Variants in CAST observed in about 807,000 individuals in gnomAD.
CAST encodes the protein calpastatin.
Under a neutral mutation model 119.6 loss-of-function variants are expected in CAST, and 76 were observed. That is an observed-to-expected ratio of 0.64 (90% confidence interval 0.53 to 0.77). The LOEUF is 0.77. Among genes scored for constraint, CAST ranks in the 30% least tolerant of loss-of-function variants. The pLI is 0.00. For synonymous variants in CAST, 319 were observed against 331.6 expected (o/e 0.96, Z 0.41); for missense variants, 953 against 946.5 (o/e 1.01, Z -0.09).
chr5:96,119,125 A>T, the CAST span, among the ~76,000 whole-genome samples: 1 of 152,288 alleles, frequency 6.6e-6, no homozygotes, highest in East Asian at 1.9e-4. Flanking sequence ...GGTTCCCATG[A>T]GGGGAAAAAA....
the CAST span, chr5:96,410,942 G>A: frequency 2.7e-4 from 437 of 1,613,920 alleles, no homozygotes; most frequent in African/African-American, 4.4e-4. Context: ...GACGCCCCCC[G>A]TTTCCCGAAG....
At chr5:96,057,264 C>A in the CAST span, among the ~76,000 whole-genome samples, 8 of 152,186 alleles carry the variant, frequency 5.3e-5, no homozygotes, top group Admixed American at 5.2e-4. Flanking sequence ...TAGGAGGCAG[C>A]TTTAGGCTAA....
the CAST span, among the ~76,000 whole-genome samples, chr5:96,473,610 A>G: frequency 1.3e-5 from 2 of 152,348 alleles, no homozygotes; most frequent in Middle Eastern, 6.8e-3. Flanking sequence ...GGGGAAAGAC[A>G]CATGTGAATG....
chr5:96,477,283 T>C, the CAST span, among the ~76,000 whole-genome samples: 1 of 147,610 alleles, frequency 6.8e-6, no homozygotes, highest in Non-Finnish European at 1.5e-5. Flanking sequence ...TAGAGAGAAA[T>C]AGAGATATAT....
chr5:96,041,007 T>C, the CAST span, among the ~76,000 whole-genome samples: 3 of 152,148 alleles, frequency 2.0e-5, no homozygotes, highest in Admixed American at 2.0e-4. Context: ...GTCCTGGACA[T>C]TTTTGGTTGG....
chr5:96,249,325 G>C, the CAST span, among the ~76,000 whole-genome samples: 2 of 152,170 alleles, frequency 1.3e-5, no homozygotes, highest in Admixed American at 1.3e-4. Context: ...AGGGATTCTG[G>C]AATCTGCTGA....
the CAST span, among the ~76,000 whole-genome samples, chr5:96,366,482 G>C: frequency 6.6e-6 from 1 of 152,054 alleles, no homozygotes; most frequent in East Asian, 1.9e-4. Context: ...ACGTAGATTT[G>C]GTCTTTTCAC....
chr5:96,664,228 AT>A (rs1748994966), intron 1 of CAST, among the ~76,000 whole-genome samples: 1 of 151,510 alleles, frequency 6.6e-6, no homozygotes, highest in African/African-American at 2.4e-5. Flanking sequence ...TTTTTAGATT[AT>A]TTTTTATTCT....
At chr5:96,418,307 G>A in the CAST span, among the ~76,000 whole-genome samples, 2 of 152,134 alleles carry the variant, frequency 1.3e-5, no homozygotes, top group South Asian at 4.1e-4. Flanking sequence ...TAGAACAATG[G>A]TAGTAACTGG....
chr5:96,733,090 T>C (rs1022011941), intron 9 of CAST, among the ~76,000 whole-genome samples: 11 of 152,206 alleles, frequency 7.2e-5, no homozygotes. Context: ...AAAAGGCACA[T>C]TATTTTATCC....
intron 1 of CAST, among the ~76,000 whole-genome samples, chr5:96,572,382 G>A (rs186919762): frequency 3.1e-4 from 47 of 152,172 alleles, no homozygotes; most frequent in African/African-American, 1.1e-3. Flanking sequence ...TGTATTTTTG[G>A]TAGAGACGGG....
At chr5:96,304,194 T>G in the CAST span, among the ~76,000 whole-genome samples, 7 of 152,382 alleles carry the variant, frequency 4.6e-5, 1 homozygote, top group African/African-American at 1.7e-4. Context: ...ATTTCTCTAA[T>G]GACAAGTGAT....
At chr5:96,203,939 T>A in the CAST span, among the ~76,000 whole-genome samples, 3 of 152,010 alleles carry the variant, frequency 2.0e-5, no homozygotes, top group African/African-American at 4.8e-5. Context: ...ACCGGGCTGA[T>A]GAGTAATGGT....
the CAST span, among the ~76,000 whole-genome samples, chr5:96,234,482 GA>G: frequency 2.0e-5 from 3 of 152,160 alleles, no homozygotes; most frequent in African/African-American, 7.2e-5. Context: ...AACCAAACAG[GA>G]ATTTTTTTTC....
the CAST span, among the ~76,000 whole-genome samples, chr5:96,455,145 A>T: frequency 6.6e-6 from 1 of 152,236 alleles, no homozygotes; most frequent in South Asian, 2.1e-4. Context: ...TGTAAGATAA[A>T]CTGAAACACA....
At chr5:96,374,976 C>T in the CAST span, among the ~76,000 whole-genome samples, 1 of 152,156 alleles carries the variant, frequency 6.6e-6, no homozygotes, top group African/African-American at 2.4e-5. Flanking sequence ...GTATTTCTAG[C>T]TGTTTAGCAT....
In CAST at chr5:96,662,396, G is replaced by A. The variant is rs541952198; in HGVS notation, c.-27G>A. ...CCGCCACTCTCCGCGGCGCATTCCG[G>A]GAGGCAGCGGCCGCAGCGGCCTCGC... On this transcript the variant is annotated 5_prime_UTR_variant, in exon 1 of 32. Coordinates refer to ENST00000675179, the MANE Select transcript of CAST (RefSeq NM_001750.7). The A allele has an allele frequency of 5.6e-4, 773 of 1,391,132 alleles. No homozygotes were observed. Among genetic ancestry groups the A allele is most frequent in the Non-Finnish European group, 6.7e-4 (724 of 1,075,914 alleles). The allele number at this position is 1,391,132 out of a possible 1,614,324, so 86.2% of individuals were successfully genotyped here.
the CAST span, among the ~76,000 whole-genome samples, chr5:96,488,778 C>T: frequency 6.6e-6 from 1 of 152,070 alleles, no homozygotes; most frequent in Non-Finnish European, 1.5e-5. Context: ...TCTTCTCTTC[C>T]CAATGTCCTG....
chr5:95,997,417 A>G, the CAST span, among the ~76,000 whole-genome samples: 1 of 152,152 alleles, frequency 6.6e-6, no homozygotes, highest in East Asian at 1.9e-4. Flanking sequence ...CCAATTAGAT[A>G]TTGATGATGT....
Sources: allele counts gnomAD v4.1 joint callset (sites outside exome capture counted in the v4.1 genomes callset), GRCh38; gene constraint gnomAD v4.1.1; transcripts MANE v1.5; gene names NCBI Gene and HGNC (gene_info 2026-07-23, HGNC 2026-07-21).